NRN1: variants seen among roughly 807,000 people sequenced by gnomAD.
NRN1 encodes the protein neuritin.
In NRN1, 4 loss-of-function variants were observed where a neutral mutation model predicts 15.0. The observed-to-expected ratio is 0.27, with a 90% confidence interval of 0.13 to 0.61. The LOEUF is 0.61. NRN1 is among the 20% of genes least tolerant of loss of function. The pLI is 0.87. For missense variants in NRN1, 134 were observed against 181.9 expected (o/e 0.74, Z 1.51); for synonymous variants, 85 against 79.8 (o/e 1.07, Z -0.35).
In NRN1 at chr6:5,998,414, G is replaced by A. The variant is rs1347068618; in HGVS notation, c.*562C>T. On this transcript the variant is annotated 3_prime_UTR_variant, in exon 3 of 3. Coordinates refer to ENST00000244766, the MANE Select transcript of NRN1 (RefSeq NM_016588.3). ...CTATCCTCCAAACACAAAGCCAACA[G>A]TCTGTCCTTTCGCTTTTCTTGAGGA... The A allele has an allele frequency of 6.6e-6, 1 of 152,532 alleles. No homozygotes were observed. Among genetic ancestry groups the A allele is most frequent in the African/African-American group, 2.4e-5 (1 of 41,442 alleles). 9.4% of individuals were successfully genotyped at this position (152,532 alleles called of 1,614,324 possible). A position where few individuals can be genotyped will look rare whatever the true frequency, so the allele number is the denominator to read the frequency against.
intron 1 of NRN1, 36 bp from the exon 2 acceptor site, chr6:6,002,533 C>G: frequency 6.3e-7 from 1 of 1,596,752 alleles, no homozygotes; most frequent in Non-Finnish European, 8.5e-7. Context: ...AGCAGCGCCA[C>G]GACCCCGCCC....
chr6:6,005,749 T>A (rs1758095783), intron 1 of NRN1, among the ~76,000 whole-genome samples: 1 of 152,234 alleles, frequency 6.6e-6, no homozygotes, highest in South Asian at 2.1e-4. Flanking sequence ...TCACTTTCAC[T>A]TTTAGGCCAC....
intron 1 of NRN1, 38 bp downstream of exon 1, chr6:6,006,657 C>T (rs1261457860): frequency 1.2e-6 from 2 of 1,608,976 alleles, no homozygotes; most frequent in Non-Finnish European, 8.5e-7. Context: ...AGGCTGCCTC[C>T]CGCCTCCAGC....
chr6:6,004,510 G>T (rs1198468587), intron 1 of NRN1, among the ~76,000 whole-genome samples: 4 of 152,222 alleles, frequency 2.6e-5, no homozygotes, highest in African/African-American at 9.6e-5. Context: ...GCTCGCCGGG[G>T]GCGGGAGCGC....
chr6:5,998,960 G>T lies in NRN1; in HGVS notation c.*16C>A, dbSNP rs761862314. 6.3e-7 allele frequency: 1 copy of T among 1,588,798 alleles called. No homozygotes were observed. Among genetic ancestry groups the T allele is most frequent in the Middle Eastern group, 1.7e-4 (1 of 5,952 alleles). Reference sequence around the variant, plus strand: ...AGTGAGTGTGGGTGGGCGCGCGGGGGGAGCTGGCCCCACGCTCAGAAGGAA... The same window carrying T: ...AGTGAGTGTGGGTGGGCGCGCGGGGTGAGCTGGCCCCACGCTCAGAAGGAA... On this transcript the variant is annotated 3_prime_UTR_variant, in exon 3 of 3. Transcript: ENST00000244766.
intron 1 of NRN1, among the ~76,000 whole-genome samples, chr6:6,003,525 G>A (rs1758022359): frequency 6.6e-6 from 1 of 152,198 alleles, no homozygotes; most frequent in South Asian, 2.1e-4. Context: ...CCGCGGCCCG[G>A]GGCTCCTGGC....
chr6:6,004,120 A>G, intron 1 of NRN1: 1 of 852,074 alleles, frequency 1.2e-6, no homozygotes, highest in Non-Finnish European at 1.4e-6. Flanking sequence ...TTAATCCGGA[A>G]CGGGAAGCAC....
intron 2 of NRN1, among the ~76,000 whole-genome samples, chr6:5,999,775 C>T (rs1757887427): frequency 6.6e-6 from 1 of 152,112 alleles, no homozygotes; most frequent in African/African-American, 2.4e-5. Flanking sequence ...TTTTGTTTTC[C>T]GTTCTCCTGA....
At chr6:5,999,774 C>T (rs1757887342) in intron 2 of NRN1, among the ~76,000 whole-genome samples, 1 of 152,176 alleles carries the variant, frequency 6.6e-6, no homozygotes, top group African/African-American at 2.4e-5. Flanking sequence ...CTTTTGTTTT[C>T]CGTTCTCCTG....
At chr6:6,007,279 C>T (rs1464476154), upstream of NRN1, among the ~76,000 whole-genome samples, 1 of 151,850 alleles carries the variant, frequency 6.6e-6, no homozygotes, top group African/African-American at 2.4e-5. Context: ...AGGGGCTCCC[C>T]CTCCCTTCCC....
At chr6:6,004,570 G>A (rs1054253699) in intron 1 of NRN1, among the ~76,000 whole-genome samples, 7 of 152,200 alleles carry the variant, frequency 4.6e-5, no homozygotes, top group African/African-American at 1.7e-4. Flanking sequence ...CCTGCACACC[G>A]CGCATGTGTG....
chr6:6,000,574 T>G (rs1215076114), intron 2 of NRN1, among the ~76,000 whole-genome samples: 1 of 152,124 alleles, frequency 6.6e-6, no homozygotes, highest in Non-Finnish European at 1.5e-5. Flanking sequence ...GGCACTGTGT[T>G]AATTTATGAG....
At chr6:6,006,605 G>A in intron 1 of NRN1, 90 bp downstream of exon 1, 1 of 1,288,240 alleles carries the variant, frequency 7.8e-7, no homozygotes, top group Middle Eastern at 2.5e-4. Flanking sequence ...CCCTGGGGCG[G>A]CCGCGGACCC....
rs758335959 is a variant in NRN1 at position 6,002,394 on chromosome 6, C to G, written c.159G>C (p.Pro53=). The change falls in exon 2 of 3, where the codon CCG becomes CCC. Residue 53 remains proline (P), a synonymous_variant. Coordinates refer to ENST00000244766, the MANE Select transcript of NRN1 (RefSeq NM_016588.3). ...TGTTCGTCTTGTCGTCCAGGCCCTG[C>G]GGGTAGTTGGCCATGCTGTCGCCCA... ...LKLGDSMANY[P]QGLDDKTNIK... The G allele has an allele frequency of 1.2e-6, 2 of 1,614,224 alleles. No homozygotes were observed. The highest frequency in any genetic ancestry group is 8.5e-7 in the Non-Finnish European group (1 of 1,180,018).
At chr6:6,003,901 G>A in intron 1 of NRN1, 1 of 1,230,320 alleles carries the variant, frequency 8.1e-7, no homozygotes. Context: ...GCGCCGGCCT[G>A]GTCCTCGGCA....
At chr6:5,999,285 C>T in intron 2 of NRN1, 81 bp from the exon 3 acceptor site, 1 of 1,273,422 alleles carries the variant, frequency 7.9e-7, no homozygotes, top group South Asian at 1.2e-5. Flanking sequence ...CCCTGCGCCT[C>T]CCCGCTGGCG....
rs1486037965 is a variant in NRN1, at chr6:5,998,525, A to G, written c.*451T>C. 1 of 154,842 alleles carries G rather than the reference A, an allele frequency of 6.5e-6. No individual in the cohort carries two copies. Among genetic ancestry groups the G allele is most frequent in the Non-Finnish European group, 1.4e-5 (1 of 69,700 alleles). The allele number at this position is 154,842 out of a possible 1,614,324, so 9.6% of individuals were successfully genotyped here. ...TATTCACCGTATGTTTCGTCCGTGG[A>G]CATCTCTCTTGAATTCATTCCCCTG... On this transcript the variant is annotated 3_prime_UTR_variant, in exon 3 of 3. Transcript: ENST00000244766.
chr6:6,001,671 A>G (rs565318184), intron 2 of NRN1, among the ~76,000 whole-genome samples: 62 of 152,306 alleles, frequency 4.1e-4, no homozygotes, highest in African/African-American at 1.4e-3. Context: ...TGTAAACTCA[A>G]AGCGACTATC....
chr6:5,998,982 G>A lies in NRN1; in HGVS notation c.423C>T (p.Ser141=). The part of the protein sequence containing the change: ...SLSAALATWL[S]F ...GGGGGAGCTGGCCCCACGCTCAGAA[G>A]GAAAGCCAGGTCGCTAAAGCTGCCG... is the stretch of plus-strand genomic sequence containing the variant. Residue 141 remains serine (S), a synonymous_variant, in exon 3 of 3, where the codon TCC becomes TCT. Coordinates refer to ENST00000244766, the MANE Select transcript of NRN1 (RefSeq NM_016588.3). 2 of 1,610,512 alleles carry A rather than the reference G, an allele frequency of 1.2e-6. No individual in the cohort carries two copies. Among genetic ancestry groups the A allele is most frequent in the Non-Finnish European group, 8.5e-7 (1 of 1,178,658 alleles).
Sources: gnomAD v4.1 joint callset for allele counts (sites outside exome capture counted in the v4.1 genomes callset) on GRCh38, gnomAD v4.1.1 for gene constraint, MANE v1.5 for transcripts, NCBI Gene and HGNC (gene_info 2026-07-23, HGNC 2026-07-21) for gene names.